The following VPS13B variants were observed in gnomAD, a reference collection of about 807,000 sequenced individuals.
VPS13B encodes the protein vacuolar protein sorting 13 homolog B, also known as intermembrane lipid transfer protein VPS13B.
Under a neutral mutation model 426.4 loss-of-function variants are expected in VPS13B, and 285 were observed. The ratio of observed to expected loss-of-function variants is 0.67; its 90% CI spans 0.61 to 0.74. The LOEUF (loss-of-function observed/expected upper bound fraction) is 0.74, where lower values mean the gene tolerates loss of function less well. VPS13B is among the 30% of genes least tolerant of loss of function. The pLI is 0.00. For missense variants in VPS13B, 4,537 were observed against 4,782.6 expected (o/e 0.95, Z 1.51); for synonymous variants, 1,676 against 1,676.4 (o/e 1.00, Z 0.01).
chr8:99,616,330 C>T (rs149253706), intron 33 of VPS13B, among the ~76,000 whole-genome samples: 14 of 151,600 alleles, frequency 9.2e-5, no homozygotes, highest in Non-Finnish European at 1.9e-4. Flanking sequence ...AAAAATCTCA[C>T]GAGATAATGA....
At chr8:99,602,860 C>G (rs1827381575) in intron 33 of VPS13B, among the ~76,000 whole-genome samples, 1 of 152,212 alleles carries the variant, frequency 6.6e-6, no homozygotes, top group African/African-American at 2.4e-5. Flanking sequence ...CTACAAACCA[C>G]TGCTCAAGGA....
intron 23 of VPS13B, among the ~76,000 whole-genome samples, chr8:99,465,246 A>T (rs1819052255): frequency 2.0e-5 from 3 of 152,210 alleles, no homozygotes; most frequent in South Asian, 4.1e-4. Flanking sequence ...GTGTGAAAGG[A>T]ATACTTGTGC....
At position 99,835,205 on chromosome 8, in the gene VPS13B, T is replaced by G; in HGVS notation, c.9623T>G (p.Val3208Gly). Reference protein sequence around the residue: ...RENGFCTRAIVLTYQEHLGVT... With the variant: ...RENGFCTRAIGLTYQEHLGVT... ...ACTTGATTCTCTTCCAGGGCTATAG[T>G]GCTGACATATCAAGAACACCTCGGA... The change falls in exon 53 of 62, where the codon GTG becomes GGG. Residue 3208 changes from valine to glycine, a missense_variant. Val to Gly is a moderately radical substitution (Grantham distance 109, BLOSUM62 -3). Coordinates refer to ENST00000357162, the MANE Select transcript of VPS13B (RefSeq NM_152564.5). 6.2e-7 allele frequency: 1 copy of G among 1,613,994 alleles called. No homozygotes were observed. Among genetic ancestry groups the G allele is most frequent in the Non-Finnish European group, 8.5e-7 (1 of 1,179,960 alleles).
chr8:99,832,025 C>T (rs1255639970), intron 51 of VPS13B, among the ~76,000 whole-genome samples: 1 of 152,086 alleles, frequency 6.6e-6, no homozygotes, highest in African/African-American at 2.4e-5. Flanking sequence ...CTTTGGGAGG[C>T]CAAGGTGGGC....
intron 31 of VPS13B, among the ~76,000 whole-genome samples, chr8:99,559,904 C>G (rs1231394511): frequency 6.6e-6 from 1 of 151,928 alleles, no homozygotes. Flanking sequence ...TTTTTTGGTT[C>G]CATATGAACT....
intron 7 of VPS13B, among the ~76,000 whole-genome samples, chr8:99,117,726 T>G (rs1847741424): frequency 6.6e-6 from 1 of 152,298 alleles, no homozygotes; most frequent in South Asian, 2.1e-4. Flanking sequence ...CCATTAGAAA[T>G]GTTCATAATA....
intron 30 of VPS13B, 118 bp downstream of exon 30, chr8:99,521,128 T>A: frequency 1.2e-6 from 1 of 836,714 alleles, no homozygotes; most frequent in Non-Finnish European, 1.9e-6. Context: ...TTTTGATATT[T>A]AAAACCAGGT....
intron 35 of VPS13B, among the ~76,000 whole-genome samples, chr8:99,678,539 T>C (rs778258517): frequency 3.9e-5 from 6 of 151,908 alleles, no homozygotes; most frequent in Non-Finnish European, 7.4e-5. Context: ...TTCTTACATA[T>C]AAATTGCTTA....
At chr8:99,805,731 G>A (rs1032119215) in intron 43 of VPS13B, among the ~76,000 whole-genome samples, 5 of 152,124 alleles carry the variant, frequency 3.3e-5, no homozygotes, top group Non-Finnish European at 7.3e-5. Flanking sequence ...ACCTTCCATC[G>A]AGTGTGGCCA....
At chr8:99,436,597 C>T (rs1817390686) in intron 22 of VPS13B, among the ~76,000 whole-genome samples, 1 of 152,140 alleles carries the variant, frequency 6.6e-6, no homozygotes, top group South Asian at 2.1e-4. Flanking sequence ...CTTGCCTCAC[C>T]CTAGTCCTGG....
rs545556957 is a variant in VPS13B at position 99,697,944 on chromosome 8, T to C, written c.6047-1581T>C. The C allele has an allele frequency of 2.3e-4, 98 of 421,632 alleles. 3 individuals are homozygous for C. Among genetic ancestry groups the C allele is most frequent in the Admixed American group, 6.0e-5 (2 of 33,274 alleles). The allele number at this position is 421,632 out of a possible 1,614,324, so 26.1% of individuals were successfully genotyped here. A position where few individuals can be genotyped will look rare whatever the true frequency, so the allele number is the denominator to read the frequency against. ...GCCTCCACCAGCCAGGTGGCCAAGA[T>C]TGTAGCGACCTTGGAGAAAGAAGAG... On this transcript the variant is annotated intron_variant, in intron 35 of 61. Transcript: ENST00000357162.
intron 21 of VPS13B, among the ~76,000 whole-genome samples, chr8:99,417,746 T>C (rs1816110293): frequency 6.6e-6 from 1 of 152,168 alleles, no homozygotes; most frequent in African/African-American, 2.4e-5. Context: ...TCTCATTATC[T>C]CTCTACTTCT....
At chr8:99,504,935 A>G (rs1445398695) in intron 27 of VPS13B, among the ~76,000 whole-genome samples, 1 of 152,108 alleles carries the variant, frequency 6.6e-6, no homozygotes, top group African/African-American at 2.4e-5. Context: ...CACCTTCATC[A>G]GTGAACTGAG....
At chr8:99,686,386 T>G (rs1355371548) in intron 35 of VPS13B, among the ~76,000 whole-genome samples, 3 of 150,708 alleles carry the variant, frequency 2.0e-5, no homozygotes, top group Non-Finnish European at 4.4e-5. Context: ...CTGTGTTCAC[T>G]CAAGGTCCTA....
At chr8:99,806,240 AC>A (rs1359535076) in intron 43 of VPS13B, among the ~76,000 whole-genome samples, 2 of 151,992 alleles carry the variant, frequency 1.3e-5, no homozygotes, top group Non-Finnish European at 2.9e-5. Context: ...TTATCCTCCA[AC>A]CCTTTATCCA....
intron 19 of VPS13B, among the ~76,000 whole-genome samples, chr8:99,360,331 G>A (rs1318768689): frequency 6.8e-6 from 1 of 147,518 alleles, no homozygotes; most frequent in Non-Finnish European, 1.5e-5. Flanking sequence ...AGGATGGAGT[G>A]CAGTGGCACG....
intron 30 of VPS13B, among the ~76,000 whole-genome samples, chr8:99,540,051 A>G (rs1563785078): frequency 1.8e-4 from 1 of 5,504 alleles, no homozygotes; most frequent in Non-Finnish European, 3.2e-4. Flanking sequence ...ATATATATAT[A>G]TATATATATA....
chr8:99,851,168 C>G (rs1263521269), intron 55 of VPS13B, among the ~76,000 whole-genome samples: 1 of 152,096 alleles, frequency 6.6e-6, no homozygotes, highest in South Asian at 2.1e-4. Context: ...AACATTTTAT[C>G]TAGGGCATAA....
At chr8:99,327,196 G>T (rs1345292050) in intron 19 of VPS13B, among the ~76,000 whole-genome samples, 1 of 152,128 alleles carries the variant, frequency 6.6e-6, no homozygotes, top group African/African-American at 2.4e-5. Context: ...AAGAAATACA[G>T]AATTGCAGTC....
Sources: allele counts gnomAD v4.1 joint callset (sites outside exome capture counted in the v4.1 genomes callset), GRCh38; gene constraint gnomAD v4.1.1; transcripts MANE v1.5; gene names NCBI Gene and HGNC (gene_info 2026-07-23, HGNC 2026-07-21).